RHBDF2: variants seen among roughly 807,000 people sequenced by gnomAD.
The protein encoded by RHBDF2 is rhomboid 5 homolog 2.
RHBDF2 carries 38 observed loss-of-function variants against 95.2 expected under a neutral mutation model. The observed-to-expected ratio is 0.40, with a 90% CI of 0.31 to 0.52. RHBDF2 has a LOEUF of 0.52. Ranked by LOEUF, RHBDF2 falls within the 20% of genes least tolerant of loss-of-function variation. The probability of loss-of-function intolerance (pLI) is 0.56; values close to 1 mark genes in which losing one functional copy is unlikely to be tolerated. For missense variants in RHBDF2, 863 were observed against 1,137.7 expected (o/e 0.76, Z 3.47); for synonymous variants, 442 against 462.0 (o/e 0.96, Z 0.55).
intron 2 of RHBDF2, among the ~76,000 whole-genome samples, chr17:76,484,676 T>C (rs1012864191): frequency 6.6e-6 from 1 of 152,100 alleles, no homozygotes; most frequent in Non-Finnish European, 1.5e-5. Context: ...CTCCCAGGAT[T>C]TCCTGTTCTC....
At chr17:76,484,052 G>A (rs1186846859) in intron 2 of RHBDF2, among the ~76,000 whole-genome samples, 4 of 151,910 alleles carry the variant, frequency 2.6e-5, no homozygotes, top group East Asian at 1.9e-4. Flanking sequence ...ACCTGAGGTC[G>A]GGAGTTCGAG....
intron 4 of RHBDF2, 93 bp from the exon 5 acceptor site, chr17:76,479,370 G>A (rs777843077): frequency 1.7e-5 from 25 of 1,509,908 alleles, no homozygotes; most frequent in South Asian, 1.2e-4. Context: ...GTGTGCCCGC[G>A]TGCCTACAGG....
At chr17:76,480,223 T>C (rs373215180) in intron 3 of RHBDF2, among the ~76,000 whole-genome samples, 4 of 150,484 alleles carry the variant, frequency 2.7e-5, no homozygotes, top group East Asian at 3.9e-4. Context: ...GCTGGGACTA[T>C]AGGCATGTGC....
At chr17:76,478,669 C>T in intron 6 of RHBDF2, 137 bp downstream of exon 6, 6 of 736,312 alleles carry the variant, frequency 8.1e-6, no homozygotes, top group Non-Finnish European at 1.3e-5. Flanking sequence ...CCAGGGATCC[C>T]AGCACATCCA....
chr17:76,486,492 C>G (rs2074133169), intron 2 of RHBDF2, among the ~76,000 whole-genome samples: 1 of 152,096 alleles, frequency 6.6e-6, no homozygotes, highest in East Asian at 1.9e-4. Context: ...GCAGGAAGAT[C>G]ACTTGAGCCC....
rs763556371 is a variant in RHBDF2, at chr17:76,479,243, A to G, written c.307T>C (p.Trp103Arg). The G allele has an allele frequency of 6.2e-7, 1 of 1,606,854 alleles. No individual in the cohort carries two copies. The highest frequency in any genetic ancestry group is 1.3e-5 in the African/African-American group (1 of 74,906). The change falls in exon 5 of 19, where the codon TGG becomes CGG. Residue 103 changes from tryptophan (W) to arginine (R), a missense_variant. By Grantham distance (101) the Trp-to-Arg change is moderately radical. Transcript: ENST00000675367. ...TGCCACTGCTGCCGCTGCCCCTCCC[A>G]GTCGCCGCTGACTCCAAACCACTGG... ...AAQWFGVSGD[W>R]EGQRQQWQRR...
chr17:76,479,045 G>A (rs1325197015), intron 5 of RHBDF2, 36 bp from the exon 6 acceptor site: 1 of 1,611,736 alleles, frequency 6.2e-7, no homozygotes, highest in African/African-American at 1.3e-5. Context: ...GAGCCATTAG[G>A]GTCCCCACCC....
At chr17:76,480,006 AATGTGTGTGTGTGTGTG>A in intron 3 of RHBDF2, 152 bp from the exon 4 acceptor site, 1 of 598,230 alleles carries the variant, frequency 1.7e-6, no homozygotes, top group Non-Finnish European at 2.5e-6. Flanking sequence ...ATATATATAT[AATGTGTGTGTGTGTGTG>A]TGTGTGTGTG....
At position 76,479,018 on chromosome 17, in the gene RHBDF2, G is replaced by T; in HGVS notation, c.469-9C>A. On this transcript the variant is annotated splice_polypyrimidine_tract_variant and intron_variant, in intron 5 of 18. Transcript: ENST00000675367. ...GCCAGCGGATCCACAATCTGGAAGG[G>T]AGGGGGGCGGTAAGCAGAGCCATTA... 2 of 1,606,460 alleles carry T rather than the reference G, an allele frequency of 1.2e-6. No individual in the cohort carries two copies. Among genetic ancestry groups the T allele is most frequent in the South Asian group, 1.1e-5 (1 of 90,452 alleles).
At chr17:76,491,680 A>G (rs952124649) in intron 1 of RHBDF2, among the ~76,000 whole-genome samples, 4 of 152,216 alleles carry the variant, frequency 2.6e-5, no homozygotes, top group Admixed American at 6.5e-5. Flanking sequence ...GTATGGAAGC[A>G]TGACTTTGCA....
Position 76,476,837 on chromosome 17 carries a change from T to C in RHBDF2, c.1108A>G (p.Ser370Gly), listed in dbSNP as rs747708597. The change falls in exon 9 of 19, where the codon AGC becomes GGC. Residue 370 changes from serine (S) to glycine (G), a missense_variant. Coordinates refer to ENST00000675367, the MANE Select transcript of RHBDF2 (RefSeq NM_001005498.4). ...TCCAGGGCGACACCTCACCGGTGGC[T>C]GTCGAAGCTCTCCAGCTGCCGCTGC... ...TVQRQLESFD[S>G]HRPYFTYWLT... is the part of the protein sequence containing the mutation. 6.2e-7 allele frequency: 1 copy of C among 1,602,954 alleles called. No individual in the cohort carries two copies. Among genetic ancestry groups the C allele is most frequent in the Non-Finnish European group, 8.5e-7 (1 of 1,176,334 alleles).
chr17:76,472,346 C>T (rs1379784061), intron 18 of RHBDF2, among the ~76,000 whole-genome samples: 1 of 152,236 alleles, frequency 6.6e-6, no homozygotes, highest in African/African-American at 2.4e-5. Context: ...GGACACTGAA[C>T]AAACTAGATC....
At chr17:76,473,371 A>G (rs747533402) in intron 15 of RHBDF2, 44 bp from the exon 16 acceptor site, 4 of 1,536,288 alleles carry the variant, frequency 2.6e-6, no homozygotes, top group African/African-American at 1.4e-5. Flanking sequence ...GGCGCCGAAT[A>G]ACCACTGCCC....
intron 17 of RHBDF2, 24 bp downstream of exon 17, chr17:76,472,981 C>A: frequency 6.2e-7 from 1 of 1,609,520 alleles, no homozygotes; most frequent in South Asian, 1.1e-5. Context: ...GGGTCGGGTT[C>A]GGGGGCAGTG....
intron 1 of RHBDF2, among the ~76,000 whole-genome samples, chr17:76,496,509 G>A (rs139679699): frequency 6.4e-4 from 97 of 152,376 alleles, no homozygotes; most frequent in African/African-American, 2.3e-3. Context: ...TTGGGGTGCT[G>A]GAGTGAGTCC....
rs1258295489 is a variant in RHBDF2, at chr17:76,471,815, C to T, written c.2302G>A (p.Asp768Asn). ...FLPYITFGTS[D>N]KYRKRALILV... ...ATGAGTGCCCGCTTGCGGTACTTGT[C>T]GCTGGTGCCGAAGGTGATGTAGGGC... Residue 768 changes from aspartate to asparagine, a missense_variant, in exon 19 of 19, where the codon GAC becomes AAC. Asp to Asn is a conservative substitution (Grantham distance 23, BLOSUM62 1). This residue lies in a region of RHBDF2 where 252 missense variants were observed against 412.2 expected (regional missense o/e 0.61). Transcript: ENST00000675367. 8.1e-6 allele frequency: 13 copies of T among 1,600,734 alleles called. No individual in the cohort carries two copies. The highest frequency in any genetic ancestry group is 1.1e-5 in the South Asian group (1 of 89,028).
intron 13 of RHBDF2, 47 bp from the exon 14 acceptor site, chr17:76,473,949 G>T (rs915312259): frequency 6.2e-7 from 1 of 1,605,456 alleles, no homozygotes; most frequent in Admixed American, 1.7e-5. Context: ...AGCGTGCCAC[G>T]TCCACCTACC....
rs143503813 is a variant in RHBDF2, at chr17:76,474,441, G to A, written c.1396C>T (p.Arg466Trp). The change falls in exon 12 of 19, where the codon CGG becomes TGG. Residue 466 changes from arginine to tryptophan, a missense_variant. Coordinates refer to ENST00000675367, the MANE Select transcript of RHBDF2 (RefSeq NM_001005498.4). ...QLVLRERDLE[R>W]DSGCCVQNDH... ...TTCTGGACACAGCAGCCTGAGTCCC[G>A]CTCCAGGTCTCGCTCGCGCAGCACC... is the stretch of plus-strand genomic sequence containing the variant. 2.7e-3 allele frequency: 4,414 copies of A among 1,614,018 alleles called. 14 individuals are homozygous for A. Among genetic ancestry groups the A allele is most frequent in the Non-Finnish European group, 2.5e-3 (3,008 of 1,179,984 alleles).
At chr17:76,500,649 G>A (rs2074554973) in intron 1 of RHBDF2, among the ~76,000 whole-genome samples, 1 of 152,190 alleles carries the variant, frequency 6.6e-6, no homozygotes, top group African/African-American at 2.4e-5. Flanking sequence ...CAAAACCTAG[G>A]CTTCCTTTGC....
Sources: gnomAD v4.1 joint callset for allele counts (sites outside exome capture counted in the v4.1 genomes callset) on GRCh38, gnomAD v4.1.1 for gene constraint, gnomAD v4.1.1 regional missense constraint, MANE v1.5 for transcripts, NCBI Gene and HGNC (gene_info 2026-07-23, HGNC 2026-07-21) for gene names.